Variants in PIEZO2 observed in about 807,000 individuals in gnomAD.
The protein encoded by PIEZO2 is piezo type mechanosensitive ion channel component 2, also known as piezo-type mechanosensitive ion channel component 2.
PIEZO2 carries 172 observed loss-of-function variants against 337.3 expected under a neutral mutation model. The observed-to-expected ratio is 0.51, with a 90% CI of 0.45 to 0.58. The LOEUF (loss-of-function observed/expected upper bound fraction) is 0.58. PIEZO2 is among the 20% of genes least tolerant of loss of function. The pLI, the probability that PIEZO2 is intolerant of heterozygous loss-of-function variation, is 0.00. For synonymous variants in PIEZO2, 1,251 were observed against 1,228.5 expected, an observed-to-expected ratio of 1.02 and a Z score of -0.38; for missense variants, 3,028 against 3,391.3, an observed-to-expected ratio of 0.89 and a Z score of 2.66.
intron 3 of PIEZO2, among the ~76,000 whole-genome samples, chr18:10,914,612 C>T (rs1456707450): frequency 3.9e-5 from 6 of 151,942 alleles, no homozygotes; most frequent in East Asian, 1.9e-4. Context: ...CAAATAATTT[C>T]GATCTGAGGT....
rs77481110 is a variant in PIEZO2 at position 10,714,737 on chromosome 18, T to G, written c.5423+27A>C. On this transcript the variant is annotated intron_variant, in intron 39 of 55. Coordinates refer to ENST00000674853, the MANE Select transcript of PIEZO2 (RefSeq NM_001378183.1). ...CCACCTCATTTACCTTTGTCAAAAG[T>G]AAACCCATTGTTAGAAAGTGAAATA... 0.037 allele frequency: 56,093 copies of G among 1,534,436 alleles called. 1,312 individuals are homozygous for G. Among genetic ancestry groups the G allele is most frequent in the Admixed American group, 0.12 (5,851 of 50,772 alleles).
intron 55 of PIEZO2, 114 bp from the exon 56 acceptor site, chr18:10,671,893 G>T: frequency 7.1e-6 from 7 of 980,468 alleles, no homozygotes; most frequent in Middle Eastern, 5.8e-4. Context: ...GAAGAAATAA[G>T]CAAATCAAAT....
At chr18:10,733,342 C>T (rs2036860811) in intron 35 of PIEZO2, among the ~76,000 whole-genome samples, 1 of 151,790 alleles carries the variant, frequency 6.6e-6, no homozygotes, top group Non-Finnish European at 1.5e-5. Flanking sequence ...TTTTACAGTT[C>T]CAGGAATTAT....
chr18:11,124,338 G>C (rs1405764872), intron 1 of PIEZO2, among the ~76,000 whole-genome samples: 1 of 152,178 alleles, frequency 6.6e-6, no homozygotes, highest in Non-Finnish European at 1.5e-5. Context: ...TGAAGACAAT[G>C]AATTCTTCCT....
Position 10,715,706 on chromosome 18 carries a change from C to A in PIEZO2, c.5200G>T (p.Asp1734Tyr), listed in dbSNP as rs776252501. 1.1e-4 allele frequency: 169 copies of A among 1,536,708 alleles called. 1 individual carries two copies. The highest frequency in any genetic ancestry group is 1.3e-4 in the Non-Finnish European group (149 of 1,146,672). ...WLNSISREHI[D>Y]ISTVLRIERC... ...TCAATTCTCAGAACTGTAGATATAT[C>A]AATATGCTCCCTTGAAATGGAGTTA... is the stretch of plus-strand genomic sequence containing the variant. The change falls in exon 38 of 56, where the codon GAT (aspartate) becomes TAT (tyrosine). Residue 1734 changes from aspartate to tyrosine, a missense_variant. By Grantham distance (160) the Asp-to-Tyr change is radical (BLOSUM62 -3). Around this residue, in one of 5 missense-constraint regions of PIEZO2, gnomAD observed 1,925 missense variants for 2,051.9 expected, o/e 0.94. Transcript: ENST00000674853.
chr18:10,856,720 A>G lies in PIEZO2; in HGVS notation c.703+281T>C, dbSNP rs1050341883. On this transcript the variant is annotated intron_variant, in intron 6 of 55. Transcript: ENST00000674853. This position sits in a 1 kb window ranked among gnomAD's most constrained non-coding sequence, Gnocchi z 4.7. ...AGCTCTAAGGAAGAGGATTGTTGTT[A>G]TTCTAATCTAAACCTAGAAAATGGA... is the stretch of plus-strand genomic sequence containing the variant. Among the ~76,000 whole-genome samples, 3 of 152,226 alleles carry G rather than the reference A, an allele frequency of 2.0e-5. No homozygotes were observed. The highest frequency in any genetic ancestry group is 4.4e-5 in the Non-Finnish European group (3 of 68,044).
At position 10,930,072 on chromosome 18, in the gene PIEZO2, C is replaced by G. The variant is rs1376834497; in HGVS notation, c.287-18844G>C. ...AATTCCAGCCTGACTGGTATAGCAT[C>G]ACATGACAGCAGGCCTTGAGGTACA... On this transcript the variant is annotated intron_variant, in intron 3 of 55. Transcript: ENST00000674853. Among the ~76,000 whole-genome samples, 4 of 152,300 alleles carry G rather than the reference C, an allele frequency of 2.6e-5. No homozygotes were observed. In the East Asian group the frequency reaches 5.8e-4, roughly 22 times the overall value.
chr18:10,951,285 CA>C (rs1375431572), intron 3 of PIEZO2, among the ~76,000 whole-genome samples: 2 of 152,154 alleles, frequency 1.3e-5, no homozygotes. Flanking sequence ...CTTTGTTTCT[CA>C]GACATACCAA....
At chr18:10,686,191 G>C (rs553284952) in intron 49 of PIEZO2, among the ~76,000 whole-genome samples, 1 of 152,160 alleles carries the variant, frequency 6.6e-6, no homozygotes, top group African/African-American at 2.4e-5. Flanking sequence ...CTGCAGTTGG[G>C]TGTCAGCACC....
chr18:11,064,327 A>G (rs2038078474), intron 2 of PIEZO2, among the ~76,000 whole-genome samples: 1 of 152,200 alleles, frequency 6.6e-6, no homozygotes, highest in Admixed American at 6.5e-5. Context: ...AAAATAAGTC[A>G]TCTGAATGCT....
At chr18:10,971,575 G>T (rs150207696) in intron 3 of PIEZO2, among the ~76,000 whole-genome samples, 1 of 152,044 alleles carries the variant, frequency 6.6e-6, no homozygotes, top group Admixed American at 6.6e-5. Flanking sequence ...ATGCAGTCCC[G>T]ACTGTCCCCA....
In PIEZO2 at chr18:10,828,968, C is replaced by A. The variant is rs965859507; in HGVS notation, c.918-21694G>T. On this transcript the variant is annotated intron_variant, in intron 7 of 55. Coordinates refer to ENST00000674853, the MANE Select transcript of PIEZO2 (RefSeq NM_001378183.1). The surrounding 1 kb of genome is among the most constrained non-coding windows in gnomAD (Gnocchi z 4.1). Reference sequence around the variant, plus strand: ...ATGTCATGTCTTCATTGGGCTCTCTCCTCTCAACCATTCACTCCTTACTTA... The same window carrying A: ...ATGTCATGTCTTCATTGGGCTCTCTACTCTCAACCATTCACTCCTTACTTA... Among the ~76,000 whole-genome samples the A allele has an allele frequency of 1.3e-5, 2 of 152,154 alleles. No homozygotes were observed. The highest frequency in any genetic ancestry group is 6.5e-5 in the Admixed American group (1 of 15,284).
chr18:11,002,870 G>A lies in PIEZO2; in HGVS notation c.161-23210C>T, dbSNP rs924652300. 2.0e-5 allele frequency among the ~76,000 whole-genome samples: 3 copies of A among 152,214 alleles called. No homozygotes were observed. Among genetic ancestry groups the A allele is most frequent in the African/African-American group, 7.2e-5 (3 of 41,446 alleles). ...CATTTTCATGGTCCTCCATGGGCAG[G>A]TTCAGCAGAGAACAGACCAATAGAA... is the stretch of plus-strand genomic sequence containing the variant. On this transcript the variant is annotated intron_variant, in intron 2 of 55. Coordinates refer to ENST00000674853, the MANE Select transcript of PIEZO2 (RefSeq NM_001378183.1). The surrounding 1 kb of genome is among the most constrained non-coding windows in gnomAD (Gnocchi z 4.3).
intron 1 of PIEZO2, among the ~76,000 whole-genome samples, chr18:11,107,104 A>G (rs1292122677): frequency 6.6e-6 from 1 of 152,138 alleles, no homozygotes; most frequent in Non-Finnish European, 1.5e-5. Context: ...TAGCAAGGGG[A>G]AGGGGAGGTA....
At position 10,824,853 on chromosome 18, in the gene PIEZO2, A is replaced by G. The variant is rs1193217261; in HGVS notation, c.918-17579T>C. ...TTTTATTGAAATCTTCTTAGTTTTC[A>G]CCTAATGTCATTTTCTTTATTTTTG... On this transcript the variant is annotated intron_variant, in intron 7 of 55. Coordinates refer to ENST00000674853, the MANE Select transcript of PIEZO2 (RefSeq NM_001378183.1). This position sits in a 1 kb window ranked among gnomAD's most constrained non-coding sequence, Gnocchi z 4.4. 6.6e-6 allele frequency among the ~76,000 whole-genome samples: 1 copy of G among 152,090 alleles called. No homozygotes were observed. Among genetic ancestry groups the G allele is most frequent in the Non-Finnish European group, 1.5e-5 (1 of 68,018 alleles).
intron 39 of PIEZO2, among the ~76,000 whole-genome samples, chr18:10,710,723 G>A (rs927999787): frequency 6.6e-6 from 1 of 152,206 alleles, no homozygotes; most frequent in Non-Finnish European, 1.5e-5. Flanking sequence ...GACCTCACTG[G>A]GGAGTGGCAG....
At chr18:11,067,893 C>A (rs1322757993) in intron 1 of PIEZO2, among the ~76,000 whole-genome samples, 1 of 152,234 alleles carries the variant, frequency 6.6e-6, no homozygotes, top group African/African-American at 2.4e-5. Flanking sequence ...ACATTCTATC[C>A]AACAGCAGCA....
Position 10,758,018 on chromosome 18 carries a change from C to G in PIEZO2, c.3874G>C (p.Ala1292Pro). 1 of 1,537,054 alleles carries G rather than the reference C, an allele frequency of 6.5e-7. No individual in the cohort carries two copies. Among genetic ancestry groups the G allele is most frequent in the Non-Finnish European group, 8.7e-7 (1 of 1,146,746 alleles). ...GGGTTATGTTGGCTGAAGGAGGCCG[C>G]ATCAAGGTTCATGCAGATCTCGACA... ...DNVEICMNLDAASFSQHNPVP... is the reference protein window; with the variant it reads ...DNVEICMNLDPASFSQHNPVP... Residue 1292 changes from alanine (A) to proline (P), a missense_variant, in exon 27 of 56, where the codon GCG becomes CCG. Physicochemically the swap from Ala to Pro is conservative, Grantham distance 27. This residue lies in a region of PIEZO2 where 1,925 missense variants were observed against 2,051.9 expected (regional missense o/e 0.94). Transcript: ENST00000674853.
intron 2 of PIEZO2, among the ~76,000 whole-genome samples, chr18:11,049,238 C>G (rs2037430352): frequency 6.6e-6 from 1 of 152,108 alleles, no homozygotes; most frequent in Non-Finnish European, 1.5e-5. Context: ...AGTGTTCTCT[C>G]CAGGATCAGT....
Sources: allele counts gnomAD v4.1 joint callset (sites outside exome capture counted in the v4.1 genomes callset), GRCh38; gene constraint gnomAD v4.1.1; regional missense constraint gnomAD v4.1.1; non-coding constraint Gnocchi (gnomAD v3.1); transcripts MANE v1.5; gene names NCBI Gene and HGNC (gene_info 2026-07-23, HGNC 2026-07-21).